Variants in FAM13A observed in about 807,000 individuals in gnomAD.
The protein encoded by FAM13A is protein FAM13A.
FAM13A carries 76 observed loss-of-function variants against 129.6 expected under a neutral mutation model. The observed-to-expected ratio is 0.59, with a 90% CI of 0.49 to 0.71. FAM13A has a LOEUF of 0.71. Ranked by LOEUF, FAM13A falls within the 30% of genes least tolerant of loss-of-function variation. The pLI is 0.00. For synonymous variants in FAM13A, 443 were observed against 449.9 expected, an observed-to-expected ratio of 0.98 and a Z score of 0.20; for missense variants, 1,108 against 1,249.3, an observed-to-expected ratio of 0.89 and a Z score of 1.70.
intron 11 of FAM13A, among the ~76,000 whole-genome samples, chr4:88,769,823 C>T (rs990322848): frequency 7.3e-5 from 11 of 151,298 alleles, no homozygotes; most frequent in Non-Finnish European, 1.6e-4. Context: ...GAGCGAGACT[C>T]TGTCTCAAAA....
At chr4:88,811,709 C>G (rs1321790013) in intron 7 of FAM13A, among the ~76,000 whole-genome samples, 2 of 152,160 alleles carry the variant, frequency 1.3e-5, no homozygotes, top group African/African-American at 4.8e-5. Flanking sequence ...TGACAGTGCA[C>G]TTCTCAGGGA....
chr4:89,024,163 G>A (rs893975021), intron 2 of FAM13A, among the ~76,000 whole-genome samples: 1 of 152,090 alleles, frequency 6.6e-6, no homozygotes, highest in Non-Finnish European at 1.5e-5. Flanking sequence ...AACAGAATAT[G>A]CCATTAGAAA....
rs377397292 is a variant in FAM13A, at chr4:88,906,331, C to T, written c.843+48G>A. 1.3e-4 allele frequency: 160 copies of T among 1,204,796 alleles called. 1 individual carries two copies. In the African/African-American group the frequency reaches 2.1e-3, roughly 16 times the overall value. 74.6% of individuals were successfully genotyped at this position (1,204,796 alleles called of 1,614,324 possible). ...AACAAAAACAACAAAAAACAAAGAA[C>T]CATGCTAAAGATTTCACATGGTCGC... On this transcript the variant is annotated intron_variant, in intron 6 of 23. Transcript: ENST00000264344.
At chr4:88,999,443 C>A (rs1189988642) in intron 3 of FAM13A, among the ~76,000 whole-genome samples, 1 of 152,106 alleles carries the variant, frequency 6.6e-6, no homozygotes, top group African/African-American at 2.4e-5. Context: ...GGACAGAGAG[C>A]CTCACACAAT....
chr4:88,763,853 A>G (rs1745250311), intron 13 of FAM13A, among the ~76,000 whole-genome samples: 1 of 152,198 alleles, frequency 6.6e-6, no homozygotes, highest in African/African-American at 2.4e-5. Flanking sequence ...GTGGAAATAA[A>G]TTTTCAAAAT....
At chr4:88,920,051 C>T (rs1204104182) in intron 5 of FAM13A, among the ~76,000 whole-genome samples, 4 of 152,208 alleles carry the variant, frequency 2.6e-5, no homozygotes, top group East Asian at 1.9e-4. Flanking sequence ...CCGGAAAGCT[C>T]GAACTGGGTG....
At chr4:88,912,560 CACAT>C (rs1016753200) in intron 5 of FAM13A, among the ~76,000 whole-genome samples, 64 of 95,560 alleles carry the variant, frequency 6.7e-4, no homozygotes, top group South Asian at 3.8e-3. Context: ...TCTCTTTACA[CACAT>C]ACATACACAC....
At chr4:88,894,421 T>C (rs1321750092) in intron 6 of FAM13A, among the ~76,000 whole-genome samples, 1 of 152,240 alleles carries the variant, frequency 6.6e-6, no homozygotes, top group Non-Finnish European at 1.5e-5. Context: ...TATTTTTATA[T>C]AATGTTTTAA....
chr4:88,973,943 C>T (rs962648518), intron 4 of FAM13A, among the ~76,000 whole-genome samples: 1 of 152,274 alleles, frequency 6.6e-6, no homozygotes, highest in Admixed American at 6.5e-5. Flanking sequence ...TTCCTTCCCC[C>T]AGGTCAGTTA....
chr4:89,037,581 G>A (rs1310642496), intron 1 of FAM13A, among the ~76,000 whole-genome samples: 1 of 152,228 alleles, frequency 6.6e-6, no homozygotes, highest in Non-Finnish European at 1.5e-5. Context: ...TCGGGGGACT[G>A]CTGAGAAGGA....
intron 6 of FAM13A, among the ~76,000 whole-genome samples, chr4:88,900,140 T>C (rs1561286235): frequency 6.6e-6 from 1 of 152,054 alleles, no homozygotes; most frequent in Non-Finnish European, 1.5e-5. Context: ...TATGTAAAGA[T>C]GTCAAACCTA....
chr4:88,864,049 G>A (rs907376303), intron 6 of FAM13A, among the ~76,000 whole-genome samples: 4 of 152,162 alleles, frequency 2.6e-5, no homozygotes, highest in Non-Finnish European at 5.9e-5. Flanking sequence ...AATAGAATTC[G>A]AGAGAAAGAA....
chr4:88,971,140 C>CCCGGGAGGCGGAGCTTGCAGAGAG (rs1181505704), intron 4 of FAM13A, among the ~76,000 whole-genome samples: 2 of 152,126 alleles, frequency 1.3e-5, no homozygotes, highest in Non-Finnish European at 2.9e-5. Flanking sequence ...ATGGCATGAA[C>CCCGGGAGGCGGAGCTTGCAGAGAG]CCGGGAGGCG....
intron 1 of FAM13A, among the ~76,000 whole-genome samples, chr4:89,036,897 C>T (rs937995744): frequency 2.2e-4 from 34 of 152,328 alleles, no homozygotes; most frequent in South Asian, 6.2e-4. Context: ...CCTATGGGTG[C>T]ACAGAGGGCA....
At chr4:88,827,500 T>C (rs942357571) in intron 7 of FAM13A, among the ~76,000 whole-genome samples, 9 of 152,224 alleles carry the variant, frequency 5.9e-5, no homozygotes, top group Admixed American at 5.2e-4. Flanking sequence ...TGGCAAATAG[T>C]TAAGTGCTCA....
chr4:88,913,023 GA>G (rs1749346064), intron 5 of FAM13A, among the ~76,000 whole-genome samples: 2 of 82,660 alleles, frequency 2.4e-5, no homozygotes, highest in African/African-American at 4.4e-5. Flanking sequence ...GGAGGAGGAG[GA>G]AGAAGAAGAA....
At chr4:88,974,427 C>G (rs1560607023) in intron 4 of FAM13A, among the ~76,000 whole-genome samples, 1 of 152,064 alleles carries the variant, frequency 6.6e-6, no homozygotes, top group South Asian at 2.1e-4. Flanking sequence ...AGTGGTGATT[C>G]CAAGCTCCTT....
At chr4:88,847,376 G>C (rs1325787103) in intron 7 of FAM13A, among the ~76,000 whole-genome samples, 2 of 152,132 alleles carry the variant, frequency 1.3e-5, no homozygotes, top group African/African-American at 2.4e-5. Flanking sequence ...GGGCAATATA[G>C]TTAAAGCCTG....
chr4:88,874,948 G>C (rs1039867782), intron 6 of FAM13A, among the ~76,000 whole-genome samples: 1 of 152,102 alleles, frequency 6.6e-6, no homozygotes, highest in Non-Finnish European at 1.5e-5. Context: ...CAGAGATATA[G>C]ATCAATGGAA....
Sources: allele counts gnomAD v4.1 joint callset (sites outside exome capture counted in the v4.1 genomes callset), GRCh38; gene constraint gnomAD v4.1.1; transcripts MANE v1.5; gene names NCBI Gene and HGNC (gene_info 2026-07-23, HGNC 2026-07-21).